Variants in PKD1L3 observed in about 807,000 individuals in gnomAD.
PKD1L3 encodes the protein polycystin-1-like protein 3.
In PKD1L3, 239 loss-of-function variants were observed where a neutral mutation model predicts 184.1. The observed-to-expected ratio is 1.30, with a 90% CI of 1.17 to 1.45. The LOEUF (loss-of-function observed/expected upper bound fraction) is 1.45. PKD1L3 is among the 40% of genes most tolerant of loss of function. The pLI, the probability that PKD1L3 is intolerant of heterozygous loss-of-function variation, is 0.00. For missense variants in PKD1L3, 2,660 were observed against 2,067.2 expected, an observed-to-expected ratio of 1.29 and a Z score of -5.56; for synonymous variants, 996 against 778.8, an observed-to-expected ratio of 1.28 and a Z score of -4.64.
chr16:71,932,259 T>TC (rs1230556437), intron 28 of PKD1L3, among the ~76,000 whole-genome samples: 2 of 152,214 alleles, frequency 1.3e-5, no homozygotes, highest in Non-Finnish European at 2.9e-5. Flanking sequence ...GGCAGGTTTT[T>TC]CCTTGCTTGG....
At chr16:71,984,815 C>T (rs554174019) in intron 5 of PKD1L3, among the ~76,000 whole-genome samples, 4 of 152,238 alleles carry the variant, frequency 2.6e-5, no homozygotes, top group Admixed American at 6.5e-5. Flanking sequence ...GCCGAGATTG[C>T]GCCACTGCAC....
At chr16:71,968,196 A>C (rs2039573680) in intron 13 of PKD1L3, among the ~76,000 whole-genome samples, 189 bp from the exon 14 acceptor site, 1 of 152,174 alleles carries the variant, frequency 6.6e-6, no homozygotes, top group Non-Finnish European at 1.5e-5. Flanking sequence ...ATGAGGCCTG[A>C]ACCTCCAGGG....
intron 2 of PKD1L3, among the ~76,000 whole-genome samples, chr16:71,993,553 T>G (rs1385221792): frequency 1.3e-5 from 2 of 152,204 alleles, no homozygotes; most frequent in Admixed American, 6.5e-5. Context: ...GGGTCAACAC[T>G]GAGAAGTTCA....
At chr16:71,964,403 A>G (rs977703288) in intron 15 of PKD1L3, among the ~76,000 whole-genome samples, 12 of 118,078 alleles carry the variant, frequency 1.0e-4, no homozygotes, top group African/African-American at 4.0e-4. Flanking sequence ...CAGTGGTGTG[A>G]TCTTGGCTCA....
chr16:71,935,859 A>G (rs1016046908), intron 25 of PKD1L3, among the ~76,000 whole-genome samples: 3 of 152,028 alleles, frequency 2.0e-5, no homozygotes, highest in Non-Finnish European at 2.9e-5. Context: ...GTGCGATCAT[A>G]GCTCACTGCA....
intron 23 of PKD1L3, 30 bp downstream of exon 23, chr16:71,944,000 T>C: frequency 6.5e-7 from 1 of 1,540,076 alleles, no homozygotes; most frequent in Non-Finnish European, 8.8e-7. Context: ...GGTGCTGTGT[T>C]ATCAGTATGT....
intron 18 of PKD1L3, among the ~76,000 whole-genome samples, 174 bp from the exon 19 acceptor site, chr16:71,951,918 T>C (rs949018260): frequency 6.6e-6 from 1 of 152,176 alleles, no homozygotes; most frequent in Non-Finnish European, 1.5e-5. Context: ...TCACAGCTCA[T>C]GGTAGCTGCA....
In PKD1L3 at chr16:71,935,364, TG is replaced by T. The variant is rs1301211246; in HGVS notation, c.4606del (p.Gln1536ArgfsTer11). On this transcript the variant is annotated frameshift_variant, in exon 26 of 30. Transcript: ENST00000620267. LOFTEE classifies it high-confidence loss of function. ...KKNMARYRDD[Q>X]DRFISFYEAV... ...CCCTCAGGCTTCCTCTCACCTGTCC[TG>T]GTCATCGCGGTATCGTGCCATGTTT... 2 of 1,551,542 alleles carry T rather than the reference TG, an allele frequency of 1.3e-6. No homozygotes were observed. The highest frequency in any genetic ancestry group is 2.4e-5 in the South Asian group (2 of 83,986).
rs540264786 is a variant in PKD1L3 at position 71,936,184 on chromosome 16, AATC to A, written c.4453-669_4453-667del. ...TATAAATATATTTTCTTCTGAGTGT[AATC>A]ATCTGTATTTTTTTTTCTTTTCTTT... On this transcript the variant is annotated intron_variant, in intron 25 of 29. Coordinates refer to ENST00000620267, the MANE Select transcript of PKD1L3 (RefSeq NM_181536.2). Among the ~76,000 whole-genome samples, 481 of 151,322 alleles carry A rather than the reference AATC, an allele frequency of 3.2e-3. 7 individuals are homozygous for A. Among genetic ancestry groups the A allele is most frequent in the Admixed American group, 0.028 (424 of 15,154 alleles).
chr16:71,958,475 AATG>A (rs969872652), intron 16 of PKD1L3, among the ~76,000 whole-genome samples: 1 of 151,462 alleles, frequency 6.6e-6, no homozygotes, highest in African/African-American at 2.4e-5. Flanking sequence ...AGCCCAGAGT[AATG>A]ATAAGAAATA....
At chr16:71,969,396 C>T (rs751886798) in intron 13 of PKD1L3, among the ~76,000 whole-genome samples, 50 of 151,626 alleles carry the variant, frequency 3.3e-4, no homozygotes, top group Non-Finnish European at 5.4e-4. Context: ...CTTCAAGGCT[C>T]CTGGGCTCAA....
chr16:71,970,827 A>G (rs534855150), intron 12 of PKD1L3, among the ~76,000 whole-genome samples: 1 of 152,288 alleles, frequency 6.6e-6, no homozygotes, highest in South Asian at 2.1e-4. Flanking sequence ...TAAATAATAC[A>G]TAAATATAAA....
chr16:71,953,555 A>G (rs1412086475), intron 17 of PKD1L3, among the ~76,000 whole-genome samples: 2 of 152,142 alleles, frequency 1.3e-5, no homozygotes, highest in South Asian at 2.1e-4. Flanking sequence ...AAAGCAAAGC[A>G]TCTTACATGG....
intron 16 of PKD1L3, among the ~76,000 whole-genome samples, chr16:71,956,238 G>A (rs1204725623): frequency 1.6e-5 from 2 of 121,570 alleles, no homozygotes; most frequent in African/African-American, 6.6e-5. Flanking sequence ...TTGTCACCTA[G>A]GATGGAGTGC....
In PKD1L3 at chr16:71,964,476, C is replaced by T. The variant is rs140246390; in HGVS notation, c.2466-1125G>A. 4.5e-3 allele frequency among the ~76,000 whole-genome samples: 669 copies of T among 149,822 alleles called. 6 individuals are homozygous for T. The highest frequency in any genetic ancestry group is 5.4e-3 in the Non-Finnish European group (366 of 67,278). ...GCCTCAGCCTCCCAAGTAGCTGGGA[C>T]TACAGGAAGGAGCCACCACGCCCGG... On this transcript the variant is annotated intron_variant, in intron 15 of 29. Coordinates refer to ENST00000620267, the MANE Select transcript of PKD1L3 (RefSeq NM_181536.2).
chr16:71,989,770 A>ACTCT (rs1367782996), intron 4 of PKD1L3, among the ~76,000 whole-genome samples: 4 of 152,200 alleles, frequency 2.6e-5, no homozygotes, highest in Non-Finnish European at 4.4e-5. Context: ...GAAAGCCAGA[A>ACTCT]AGAGAGGCTT....
At chr16:71,937,772 G>A (rs554352731) in intron 24 of PKD1L3, among the ~76,000 whole-genome samples, 18 of 151,996 alleles carry the variant, frequency 1.2e-4, no homozygotes, top group Non-Finnish European at 7.4e-5. Context: ...GAGTACTAAC[G>A]GTATCCCATG....
intron 6 of PKD1L3, among the ~76,000 whole-genome samples, chr16:71,983,659 C>CTTT (rs66523761): frequency 0.27 from 24,361 of 90,844 alleles, 7,140 homozygotes; most frequent in African/African-American, 0.29. Flanking sequence ...TCCAGATTCT[C>CTTT]TTTCTTTTTT....
In PKD1L3 at chr16:71,951,167, G is replaced by A. The variant is rs182062688; in HGVS notation, c.3190+397C>T. Among the ~76,000 whole-genome samples the A allele has an allele frequency of 8.4e-4, 128 of 151,532 alleles. 2 individuals carry two copies. The East Asian group carries it at 0.019, about 23-fold the overall frequency. ...CAATTCTCCTGCCTCAGCCTCCCCC[G>A]TAGCTGGGATTACAGGCGCCCGCCA... On this transcript the variant is annotated intron_variant, in intron 19 of 29. Coordinates refer to ENST00000620267, the MANE Select transcript of PKD1L3 (RefSeq NM_181536.2).
Sources: gnomAD v4.1 joint callset for allele counts (sites outside exome capture counted in the v4.1 genomes callset) on GRCh38, gnomAD v4.1.1 for gene constraint, MANE v1.5 for transcripts, NCBI Gene and HGNC (gene_info 2026-07-23, HGNC 2026-07-21) for gene names.